Variants in ADGRG5 observed in about 807,000 individuals in gnomAD.
ADGRG5 encodes adhesion G protein-coupled receptor G5.
In ADGRG5, 37 loss-of-function variants were observed where a neutral mutation model predicts 53.2. That is an observed-to-expected ratio of 0.70 (90% CI 0.53 to 0.91). The LOEUF (loss-of-function observed/expected upper bound fraction) is 0.91. Ranked by LOEUF, ADGRG5 falls within the 40% of genes least tolerant of loss-of-function variation. The pLI is 0.00. For missense variants in ADGRG5, 614 were observed against 675.8 expected, an observed-to-expected ratio of 0.91 and a Z score of 1.01; for synonymous variants, 277 against 290.4, an observed-to-expected ratio of 0.95 and a Z score of 0.47.
At chr16:57,548,670 A>AGACTG (rs1474218339) in intron 1 of ADGRG5, among the ~76,000 whole-genome samples, 1 of 151,576 alleles carries the variant, frequency 6.6e-6, no homozygotes, top group African/African-American at 2.4e-5. Flanking sequence ...TGTCATTTCA[A>AGACTG]GACTGTTAAA....
intron 1 of ADGRG5, among the ~76,000 whole-genome samples, chr16:57,547,593 T>C (rs1030977022): frequency 2.0e-5 from 3 of 151,348 alleles, no homozygotes; most frequent in African/African-American, 7.3e-5. Context: ...TACAGGCGCC[T>C]GCCACCAAAC....
At chr16:57,543,280 T>TA (rs1555520872) in intron 1 of ADGRG5, 3 of 133,158 alleles carry the variant, frequency 2.3e-5, no homozygotes, top group Non-Finnish European at 4.7e-5. Flanking sequence ...TCTTAGGGCT[T>TA]TTTTTTTTTT....
chr16:57,554,922 C>T (rs2032847904), intron 1 of ADGRG5, among the ~76,000 whole-genome samples: 1 of 151,892 alleles, frequency 6.6e-6, no homozygotes, highest in Admixed American at 6.6e-5. Flanking sequence ...TTGTCTCTGA[C>T]TCATGGGTTA....
chr16:57,554,979 A>C (rs2032849060), intron 1 of ADGRG5, among the ~76,000 whole-genome samples: 1 of 151,890 alleles, frequency 6.6e-6, no homozygotes, highest in South Asian at 2.1e-4. Context: ...GGATTTTTTG[A>C]GGCCTCTTTA....
rs2033040197 is a variant in ADGRG5, at chr16:57,563,006, C to T, written c.141-85C>T. 53 of 1,393,774 alleles carry T rather than the reference C, an allele frequency of 3.8e-5. 1 individual carries two copies. The South Asian group carries it at 5.6e-4, about 15-fold the overall frequency. The allele number at this position is 1,393,774 out of a possible 1,614,324, so 86.3% of individuals were successfully genotyped here. A position where few individuals can be genotyped will look rare whatever the true frequency, so the allele number is the denominator to read the frequency against. ...TGACAGAGGTGTGGGTGGGGAGGCC[C>T]TGCCCTCCCAGGCTGTCTACAGCCC... On this transcript the variant is annotated intron_variant, in intron 3 of 11. Coordinates refer to ENST00000349457, the MANE Select transcript of ADGRG5 (RefSeq NM_001304376.3).
At position 57,563,141 on chromosome 16, in the gene ADGRG5, A is replaced by G. The variant is rs2033045105; in HGVS notation, c.191A>G (p.Tyr64Cys). The G allele has an allele frequency of 1.2e-6, 2 of 1,614,062 alleles. No individual in the cohort carries two copies. The highest frequency in any genetic ancestry group is 1.7e-5 in the Admixed American group (1 of 60,016). Residue 64 changes from tyrosine (Y) to cysteine (C), a missense_variant, in exon 4 of 12, where the codon TAC becomes TGC. By Grantham distance (194) the Tyr-to-Cys change is radical. Coordinates refer to ENST00000349457, the MANE Select transcript of ADGRG5 (RefSeq NM_001304376.3). ...CTACTGAACACCAGCTTCCCAGGCTACAACCTGACCTTGCAGACACCCACC... is the reference window on the plus strand; with the variant it reads ...CTACTGAACACCAGCTTCCCAGGCTGCAACCTGACCTTGCAGACACCCACC... ...QMLLNTSFPG[Y>C]NLTLQTPTIQ... is the part of the protein sequence containing the mutation.
intron 1 of ADGRG5, among the ~76,000 whole-genome samples, chr16:57,549,448 G>A (rs1044943657): frequency 1.3e-5 from 2 of 152,170 alleles, no homozygotes. Flanking sequence ...AGCCTTGCAA[G>A]TTTTTGTTGA....
At chr16:57,567,792 C>T (rs2033177885) in intron 8 of ADGRG5, 64 bp from the exon 9 acceptor site, 6 of 1,546,212 alleles carry the variant, frequency 3.9e-6, no homozygotes, top group Non-Finnish European at 3.5e-6. Flanking sequence ...CACCTATGCA[C>T]CCAGTGGGTA....
In ADGRG5 at chr16:57,574,462, A is replaced by G. The variant is rs2033455403; in HGVS notation, c.1209-353A>G. Among the ~76,000 whole-genome samples, 1 of 152,244 alleles carries G rather than the reference A, an allele frequency of 6.6e-6. No individual in the cohort carries two copies. The highest frequency in any genetic ancestry group is 2.1e-4 in the South Asian group (1 of 4,832). On this transcript the variant is annotated intron_variant, in intron 10 of 11. Coordinates refer to ENST00000349457, the MANE Select transcript of ADGRG5 (RefSeq NM_001304376.3). The surrounding 1 kb of genome is among the most constrained non-coding windows in gnomAD (Gnocchi z 4.4). ...AAAGAGGGCTCCGGGCCAAGGATCC[A>G]ATAGAAGATGGGGCATGCCGGCCTT...
chr16:57,548,040 G>A (rs1186455913), intron 1 of ADGRG5, among the ~76,000 whole-genome samples: 2 of 152,112 alleles, frequency 1.3e-5, no homozygotes, highest in Non-Finnish European at 2.9e-5. Flanking sequence ...GAGCCACCAC[G>A]CCTGGCCTCA....
chr16:57,567,779 A>G, intron 8 of ADGRG5, 77 bp from the exon 9 acceptor site: 1 of 1,509,026 alleles, frequency 6.6e-7, no homozygotes, highest in Non-Finnish European at 8.9e-7. Flanking sequence ...CCCTGTCGGC[A>G]TGCACCTATG....
upstream of ADGRG5, among the ~76,000 whole-genome samples, chr16:57,537,766 C>T (rs1449979529): frequency 2.0e-5 from 3 of 152,090 alleles, no homozygotes; most frequent in African/African-American, 4.8e-5. Flanking sequence ...AAATCCCATA[C>T]GTTGCAAGAC....
intron 1 of ADGRG5, among the ~76,000 whole-genome samples, chr16:57,543,843 G>A (rs961414073): frequency 3.9e-5 from 6 of 152,054 alleles, no homozygotes; most frequent in Non-Finnish European, 5.9e-5. Flanking sequence ...CCTTTCTCAG[G>A]GCCTGATTCC....
intron 1 of ADGRG5, among the ~76,000 whole-genome samples, chr16:57,549,077 A>G (rs752017638): frequency 1.3e-4 from 20 of 152,246 alleles, no homozygotes; most frequent in Non-Finnish European, 2.8e-4. Flanking sequence ...ATTGATAGAC[A>G]TTCACATAGC....
intron 1 of ADGRG5, among the ~76,000 whole-genome samples, chr16:57,561,244 C>T (rs2032992956): frequency 1.3e-5 from 2 of 152,236 alleles, no homozygotes; most frequent in African/African-American, 4.8e-5. Context: ...GTCTGCTAAA[C>T]GTCTTACCAG....
At chr16:57,567,780 T>G (rs1841895624) in intron 8 of ADGRG5, 76 bp from the exon 9 acceptor site, 2 of 1,510,270 alleles carry the variant, frequency 1.3e-6, no homozygotes, top group Admixed American at 3.7e-5. Context: ...CCTGTCGGCA[T>G]GCACCTATGC....
At chr16:57,547,451 T>C (rs1381331720) in intron 1 of ADGRG5, among the ~76,000 whole-genome samples, 1 of 152,228 alleles carries the variant, frequency 6.6e-6, no homozygotes, top group East Asian at 1.9e-4. Flanking sequence ...TTGTTTTTGG[T>C]TTTGTTTTTT....
At chr16:57,537,323 A>G in the ADGRG5 span, among the ~76,000 whole-genome samples, 11 of 151,080 alleles carry the variant, frequency 7.3e-5, no homozygotes, top group African/African-American at 1.5e-4. Flanking sequence ...AGGTGAATCT[A>G]TTTAAAAGAA....
At chr16:57,531,873 G>C in the ADGRG5 span, among the ~76,000 whole-genome samples, 4 of 151,774 alleles carry the variant, frequency 2.6e-5, no homozygotes, top group Non-Finnish European at 5.9e-5. Context: ...TTCAACTATG[G>C]AGCCAGGCAT....
Sources: allele counts gnomAD v4.1 joint callset (sites outside exome capture counted in the v4.1 genomes callset), GRCh38; gene constraint gnomAD v4.1.1; non-coding constraint Gnocchi (gnomAD v3.1); transcripts MANE v1.5; gene names NCBI Gene and HGNC (gene_info 2026-07-23, HGNC 2026-07-21).